Variants in GDPD5 observed in about 807,000 individuals in gnomAD.
GDPD5 encodes glycerophosphodiester phosphodiesterase 2.
In GDPD5, 48 loss-of-function variants were observed where a neutral mutation model predicts 75.1. The observed-to-expected ratio is 0.64, with a 90% CI of 0.51 to 0.81. The LOEUF (loss-of-function observed/expected upper bound fraction) is 0.81. GDPD5 is among the 40% of genes least tolerant of loss of function. The pLI is 0.00. For synonymous variants in GDPD5, 336 were observed against 339.0 expected, an observed-to-expected ratio of 0.99 and a Z score of 0.10; for missense variants, 706 against 822.6, an observed-to-expected ratio of 0.86 and a Z score of 1.73.
At chr11:75,454,687 C>T (rs1291836223) in intron 6 of GDPD5, among the ~76,000 whole-genome samples, 3 of 151,942 alleles carry the variant, frequency 2.0e-5, no homozygotes, top group East Asian at 1.9e-4. Context: ...TGTTAAGGTG[C>T]GGAACAGAGG....
chr11:75,457,983 G>A (rs79156150), intron 4 of GDPD5, among the ~76,000 whole-genome samples, 197 bp from the exon 5 acceptor site: 274 of 152,344 alleles, frequency 1.8e-3, no homozygotes, highest in African/African-American at 6.1e-3. Flanking sequence ...ACCAAGAAAT[G>A]TAAAGGAGAA....
chr11:75,463,448 G>C (rs1372615524), intron 3 of GDPD5, among the ~76,000 whole-genome samples: 1 of 152,228 alleles, frequency 6.6e-6, no homozygotes. Flanking sequence ...AGGTGGAAGT[G>C]GGGTGGCGGG....
chr11:75,440,353 C>G (rs530465216), intron 14 of GDPD5, among the ~76,000 whole-genome samples: 5 of 152,248 alleles, frequency 3.3e-5, no homozygotes, highest in Non-Finnish European at 5.9e-5. Context: ...CCCAGGCTGC[C>G]TTCCCTTCAC....
chr11:75,493,095 T>C (rs1029618609), intron 1 of GDPD5, among the ~76,000 whole-genome samples: 3 of 152,168 alleles, frequency 2.0e-5, no homozygotes, highest in African/African-American at 7.2e-5. Context: ...TTAAGATACC[T>C]AGATATAAAA....
At chr11:75,481,059 C>T (rs186142358) in intron 2 of GDPD5, among the ~76,000 whole-genome samples, 1 of 152,172 alleles carries the variant, frequency 6.6e-6, no homozygotes, top group African/African-American at 2.4e-5. Context: ...GCTCTAATGG[C>T]CCACGAGCCT....
intron 6 of GDPD5, chr11:75,452,301 A>T (rs2135239608): frequency 6.6e-6 from 1 of 152,322 alleles, no homozygotes; most frequent in South Asian, 2.1e-4. Flanking sequence ...ATCTTTCCAC[A>T]TCCTCTCCAG....
At chr11:75,452,866 G>A (rs114718107) in intron 6 of GDPD5, 2,076 of 152,504 alleles carry the variant, frequency 0.014, 39 homozygotes, top group South Asian at 0.067. Context: ...AGGTTGGGTC[G>A]CTGACAGACG....
At chr11:75,510,809 C>G (rs896006281) in intron 1 of GDPD5, among the ~76,000 whole-genome samples, 2 of 152,004 alleles carry the variant, frequency 1.3e-5, no homozygotes, top group Non-Finnish European at 2.9e-5. Flanking sequence ...CTTGCAACAT[C>G]TGTGCACTCT....
intron 3 of GDPD5, among the ~76,000 whole-genome samples, chr11:75,467,548 G>A (rs930475154): frequency 1.3e-5 from 2 of 152,196 alleles, no homozygotes; most frequent in African/African-American, 4.8e-5. Flanking sequence ...CAGGGAGCAG[G>A]AGAAAAGCTG....
At chr11:75,487,073 C>T (rs1389907992) in intron 2 of GDPD5, among the ~76,000 whole-genome samples, 1 of 152,198 alleles carries the variant, frequency 6.6e-6, no homozygotes, top group African/African-American at 2.4e-5. Flanking sequence ...AGGAAAGATT[C>T]TGGAAAAAGC....
At chr11:75,506,886 G>A (rs914353135) in intron 1 of GDPD5, 1 of 152,278 alleles carries the variant, frequency 6.6e-6, no homozygotes, top group Non-Finnish European at 1.5e-5. Context: ...ACGGAATGCT[G>A]GGCTCTAGAG....
chr11:75,472,710 A>G (rs542138496), intron 3 of GDPD5, among the ~76,000 whole-genome samples: 2 of 152,082 alleles, frequency 1.3e-5, no homozygotes, highest in Non-Finnish European at 2.9e-5. Flanking sequence ...TCATGAACAC[A>G]TATGCTCAAT....
At chr11:75,449,484 T>A in intron 8 of GDPD5, 33 bp downstream of exon 8, 1 of 1,530,690 alleles carries the variant, frequency 6.5e-7, no homozygotes, top group African/African-American at 1.4e-5. Context: ...CCTGCAGGGA[T>A]TGGAGGGGCA....
Position 75,493,229 on chromosome 11 carries a change from TCACACA to T in GDPD5, c.-144-2915_-144-2910del, listed in dbSNP as rs71036055. ...CAGGGAAAAGGGGCCCCCACACATCTCACACACACACACACACACACACACACACAC... is the reference window on the plus strand; with the variant it reads ...CAGGGAAAAGGGGCCCCCACACATCTCACACACACACACACACACACACAC... On this transcript the variant is annotated intron_variant, in intron 1 of 16. Coordinates refer to ENST00000336898, the MANE Select transcript of GDPD5 (RefSeq NM_030792.8). 1.0e-3 allele frequency among the ~76,000 whole-genome samples: 147 copies of T among 141,004 alleles called. No homozygotes were observed. The South Asian group carries it at 0.022, about 21-fold the overall frequency. 92.5% of individuals were successfully genotyped at this position (141,004 alleles called of 152,430 possible). A position where few individuals can be genotyped will look rare whatever the true frequency, so the allele number is the denominator to read the frequency against.
At chr11:75,440,015 G>C in intron 14 of GDPD5, 54 bp from the exon 15 acceptor site, 1 of 1,401,008 alleles carries the variant, frequency 7.1e-7, no homozygotes, top group Non-Finnish European at 1.0e-6. Context: ...CCAGACTGAG[G>C]CTCCAGACTG....
At chr11:75,462,277 G>A (rs1382496267) in intron 4 of GDPD5, among the ~76,000 whole-genome samples, 1 of 152,206 alleles carries the variant, frequency 6.6e-6, no homozygotes, top group Non-Finnish European at 1.5e-5. Context: ...TCCCCAGTGG[G>A]CTTTGGCTCC....
At chr11:75,495,006 G>A (rs1420686439) in intron 1 of GDPD5, among the ~76,000 whole-genome samples, 2 of 151,748 alleles carry the variant, frequency 1.3e-5, no homozygotes, top group South Asian at 2.1e-4. Flanking sequence ...GGTGGCTCAC[G>A]TCTGTAATCT....
chr11:75,483,942 T>C (rs1949971245), intron 2 of GDPD5, among the ~76,000 whole-genome samples: 1 of 152,308 alleles, frequency 6.6e-6, no homozygotes, highest in Admixed American at 6.5e-5. Context: ...ATCCCAGCAC[T>C]TTGGGAGGCC....
At position 75,525,696 on chromosome 11, in the gene GDPD5, G is replaced by GGGCAC. The variant is rs1401459490; in HGVS notation, c.-632_-631insGTGCC. ...CCGCGGGGCTGGGACGGGCAGGGCAGGGCAGGCGCCGGCGGGGAGGCGCGG... is the reference window on the plus strand; with the variant it reads ...CCGCGGGGCTGGGACGGGCAGGGCAGGGCACGGCAGGCGCCGGCGGGGAGGCGCGG... On this transcript the variant is annotated 5_prime_UTR_variant, in exon 1 of 17. Transcript: ENST00000336898. 1 of 151,396 alleles carries GGGCAC rather than the reference G, an allele frequency of 6.6e-6. No individual in the cohort carries two copies. The highest frequency in any genetic ancestry group is 6.6e-5 in the Admixed American group (1 of 15,186). The allele number at this position is 151,396 out of a possible 1,614,324, so 9.4% of individuals were successfully genotyped here. A position where few individuals can be genotyped will look rare whatever the true frequency, so the allele number is the denominator to read the frequency against.
Sources: gnomAD v4.1 joint callset for allele counts (sites outside exome capture counted in the v4.1 genomes callset) on GRCh38, gnomAD v4.1.1 for gene constraint, MANE v1.5 for transcripts, NCBI Gene and HGNC (gene_info 2026-07-23, HGNC 2026-07-21) for gene names.